Variants in TRIM25 observed in about 807,000 individuals in gnomAD.
TRIM25 encodes tripartite motif containing 25.
Under a neutral mutation model 65.2 loss-of-function variants are expected in TRIM25, and 45 were observed. The observed-to-expected ratio is 0.69, with a 90% CI of 0.54 to 0.89. TRIM25 has a LOEUF of 0.89. Among genes scored for constraint, TRIM25 ranks in the 40% least tolerant of loss-of-function variants. The probability of loss-of-function intolerance (pLI) is 0.00; values close to 1 mark genes in which losing one functional copy is unlikely to be tolerated. For missense variants in TRIM25, 714 were observed against 803.7 expected (o/e 0.89, Z 1.35); for synonymous variants, 321 against 340.4 (o/e 0.94, Z 0.63).
chr17:56,908,056 A>G (rs543740797), intron 2 of TRIM25, among the ~76,000 whole-genome samples: 9 of 152,194 alleles, frequency 5.9e-5, no homozygotes, highest in Non-Finnish European at 1.0e-4. Context: ...ACTCTGCCAG[A>G]ATACATTTCT....
intron 8 of TRIM25, 85 bp from the exon 9 acceptor site, chr17:56,892,314 A>C (rs1909192426): frequency 6.8e-7 from 1 of 1,462,232 alleles, no homozygotes; most frequent in Admixed American, 2.2e-5. Context: ...CTATTTATTC[A>C]CTAGTTTTAT....
chr17:56,892,181 G>A lies in TRIM25; in HGVS notation c.1412C>T (p.Ala471Val). Residue 471 changes from alanine (A) to valine (V), a missense_variant, in exon 9 of 9, where the codon GCT becomes GTT. By Grantham distance (64) the Ala-to-Val change is moderately conservative (BLOSUM62 0). This residue lies in a region of TRIM25 where 413 missense variants were observed against 498.2 expected (regional missense o/e 0.83). Coordinates refer to ENST00000316881, the MANE Select transcript of TRIM25 (RefSeq NM_005082.5). ...AGCTACTGTATAGCACTCTGACAGA[G>A]CCACTTTGTTGTGGGCGGTGTTGTA... Reference protein sequence around the residue: ...LDYNTAHNKVALSECYTVASV... With the variant: ...LDYNTAHNKVVLSECYTVASV... 6.2e-7 allele frequency: 1 copy of A among 1,612,080 alleles called. No homozygotes were observed. The highest frequency in any genetic ancestry group is 8.5e-7 in the Non-Finnish European group (1 of 1,178,430).
In TRIM25 at chr17:56,914,032, G is replaced by A. The variant is rs781665872; in HGVS notation, c.-44C>T. ...GACACAACTGCTGCACCCGCGCTCC[G>A]AGGCCGCCGAGGAAACGAAACCTAG... is the stretch of plus-strand genomic sequence containing the variant. On this transcript the variant is annotated 5_prime_UTR_variant, in exon 1 of 9. Coordinates refer to ENST00000316881, the MANE Select transcript of TRIM25 (RefSeq NM_005082.5). 5 of 1,414,258 alleles carry A rather than the reference G, an allele frequency of 3.5e-6. No homozygotes were observed. In the East Asian group the frequency reaches 1.1e-4, roughly 30 times the overall value. 87.6% of individuals were successfully genotyped at this position (1,414,258 alleles called of 1,614,324 possible).
intron 4 of TRIM25, among the ~76,000 whole-genome samples, chr17:56,899,924 A>T (rs940369758): frequency 1.3e-5 from 2 of 152,206 alleles, no homozygotes; most frequent in Admixed American, 6.5e-5. Context: ...TACAAAAAAA[A>T]TTTTTTAGGC....
Position 56,895,825 on chromosome 17 carries a change from TCACA to T in TRIM25, c.1180+97_1180+100del. 3 of 1,466,650 alleles carry T rather than the reference TCACA, an allele frequency of 2.0e-6. No homozygotes were observed. The South Asian group carries it at 3.8e-5, about 18-fold the overall frequency. The allele number at this position is 1,466,650 out of a possible 1,614,324, so 90.9% of individuals were successfully genotyped here. A position where few individuals can be genotyped will look rare whatever the true frequency, so the allele number is the denominator to read the frequency against. On this transcript the variant is annotated intron_variant, in intron 6 of 8. Transcript: ENST00000316881. ...ACAGAATGGAATCATATAGAACCCA[TCACA>T]GAACCCTGATGAGAGAGGTCGACTC...
At chr17:56,904,575 C>A in intron 2 of TRIM25, 87 bp from the exon 3 acceptor site, 2 of 1,221,490 alleles carry the variant, frequency 1.6e-6, no homozygotes, top group Middle Eastern at 2.8e-4. Context: ...TGTGGAGTTC[C>A]AGGAACTCTT....
chr17:56,892,090 C>T lies in TRIM25; in HGVS notation c.1503G>A (p.Val501=). ...HPQRFTYCSQ[V]LGLHCYKKGI... is the part of the protein sequence containing the mutation. ...CCTTCTTGTAGCAGTGCAGGCCCAG[C>T]ACCTGAGAGCAGTATGTGAACCTCT... is the stretch of plus-strand genomic sequence containing the variant. The change falls in exon 9 of 9, where the codon GTG becomes GTA. Residue 501 remains valine (V), a synonymous_variant. Coordinates refer to ENST00000316881, the MANE Select transcript of TRIM25 (RefSeq NM_005082.5). The T allele has an allele frequency of 6.2e-7, 1 of 1,614,210 alleles. No homozygotes were observed.
chr17:56,891,514 C>T lies in TRIM25; in HGVS notation c.*186G>A, dbSNP rs1598069104. 7.7e-6 allele frequency: 6 copies of T among 776,548 alleles called. No individual in the cohort carries two copies. The East Asian group carries it at 1.6e-4, about 21-fold the overall frequency. 48.1% of individuals were successfully genotyped at this position (776,548 alleles called of 1,614,324 possible). ...CAGGGGGTGGAAACGCCTCCTCGCC[C>T]ACAACACAATCACTCTCACCCCTTT... On this transcript the variant is annotated 3_prime_UTR_variant, in exon 9 of 9. Coordinates refer to ENST00000316881, the MANE Select transcript of TRIM25 (RefSeq NM_005082.5).
At chr17:56,894,730 G>A (rs1567838200) in intron 8 of TRIM25, among the ~76,000 whole-genome samples, 1 of 152,196 alleles carries the variant, frequency 6.6e-6, no homozygotes, top group East Asian at 1.9e-4. Context: ...CTAAGAGAGA[G>A]CAGAAGATTC....
In TRIM25 at chr17:56,898,281, G is replaced by A. The variant is rs375620784; in HGVS notation, c.1153+834C>T. Among the ~76,000 whole-genome samples the A allele has an allele frequency of 5.9e-5, 9 of 152,268 alleles. 1 individual carries two copies. The highest frequency in any genetic ancestry group is 1.9e-4 in the East Asian group (1 of 5,186). On this transcript the variant is annotated intron_variant, in intron 5 of 8. Coordinates refer to ENST00000316881, the MANE Select transcript of TRIM25 (RefSeq NM_005082.5). ...TCAGCAGTATATGAACATCTCAGCG[G>A]TATATGGACATGTCAGCGGTATATG...
At chr17:56,896,952 A>G (rs1345341606) in intron 5 of TRIM25, among the ~76,000 whole-genome samples, 1 of 152,094 alleles carries the variant, frequency 6.6e-6, no homozygotes, top group Admixed American at 6.5e-5. Flanking sequence ...AAAAAAAAAA[A>G]AATTGTTTTA....
intron 2 of TRIM25, among the ~76,000 whole-genome samples, chr17:56,906,961 T>C (rs1170890156): frequency 2.0e-5 from 3 of 152,228 alleles, no homozygotes; most frequent in African/African-American, 7.2e-5. Context: ...GACTAGGCGA[T>C]GTGACAAAAC....
Position 56,901,560 on chromosome 17 carries a change from C to G in TRIM25, c.946G>C (p.Gly316Arg), listed in dbSNP as rs1909413074. 6.2e-7 allele frequency: 1 copy of G among 1,613,974 alleles called. No homozygotes were observed. The highest frequency in any genetic ancestry group is 8.5e-7 in the Non-Finnish European group (1 of 1,180,022). ...EFLEKASKLR[G>R]ISTKPVYIPE... ...ATGTAGACTGGCTTTGTTGAGATTC[C>G]TCGCAGTTTTGATGCTTTCTGGAAC... Residue 316 changes from glycine to arginine, a missense_variant, in exon 4 of 9, where the codon GGA becomes CGA. By Grantham distance (125) the Gly-to-Arg change is moderately radical (BLOSUM62 -2). This residue lies in a region of TRIM25 where 413 missense variants were observed against 498.2 expected (regional missense o/e 0.83). Coordinates refer to ENST00000316881, the MANE Select transcript of TRIM25 (RefSeq NM_005082.5).
rs1909131264 is a variant in TRIM25, at chr17:56,889,815, T to G, written c.*1885A>C. On this transcript the variant is annotated 3_prime_UTR_variant, in exon 9 of 9. Transcript: ENST00000316881. ...TTCAGAAAATCAATGAAGATGCTTT[T>G]GATCATCTTCAAAAGCAGAGAAGAA... 2.5e-6 allele frequency: 1 copy of G among 398,514 alleles called. No homozygotes were observed. The highest frequency in any genetic ancestry group is 4.4e-6 in the Non-Finnish European group (1 of 226,074). 24.7% of individuals were successfully genotyped at this position (398,514 alleles called of 1,614,324 possible). A position where few individuals can be genotyped will look rare whatever the true frequency, so the allele number is the denominator to read the frequency against.
intron 5 of TRIM25, among the ~76,000 whole-genome samples, chr17:56,897,144 C>T (rs1466399556): frequency 6.6e-6 from 1 of 151,896 alleles, no homozygotes; most frequent in African/African-American, 2.4e-5. Context: ...TTCTTGGGCC[C>T]CAAGCCAGAG....
At chr17:56,892,780 G>A (rs911653848) in intron 8 of TRIM25, among the ~76,000 whole-genome samples, 1 of 152,080 alleles carries the variant, frequency 6.6e-6, no homozygotes, top group African/African-American at 2.4e-5. Context: ...CCAGATTCTG[G>A]CACAAGATGC....
At chr17:56,906,624 G>T (rs902509328) in intron 2 of TRIM25, among the ~76,000 whole-genome samples, 1 of 152,098 alleles carries the variant, frequency 6.6e-6, no homozygotes, top group Non-Finnish European at 1.5e-5. Context: ...CTCCTGAGTA[G>T]CTGGAACTAT....
intron 5 of TRIM25, among the ~76,000 whole-genome samples, chr17:56,897,428 C>T (rs1045220102): frequency 8.5e-5 from 13 of 152,138 alleles, no homozygotes; most frequent in Non-Finnish European, 1.6e-4. Flanking sequence ...ACCGCTTCTC[C>T]TACTTCGAAG....
Position 56,908,562 on chromosome 17 carries a change from G to C in TRIM25, c.599C>G (p.Ala200Gly). Residue 200 changes from alanine (A) to glycine (G), a missense_variant and splice_region_variant, in exon 2 of 9, where the codon GCC (alanine) becomes GGC (glycine). By Grantham distance (60) the Ala-to-Gly change is moderately conservative. This residue lies in a region of TRIM25 where 291 missense variants were observed against 281.8 expected (regional missense o/e 1.03). Transcript: ENST00000316881. ...GACAGTTAGTTTGTGCCTCAGGGTG[G>C]CCTGCAGGGAAAACAAATGAGGTTG... is the stretch of plus-strand genomic sequence containing the variant. Reference protein sequence around the residue: ...SLSQASADLEATLRHKLTVMY... With the variant: ...SLSQASADLEGTLRHKLTVMY... 1 of 1,613,496 alleles carries C rather than the reference G, an allele frequency of 6.2e-7. No homozygotes were observed. Among genetic ancestry groups the C allele is most frequent in the Non-Finnish European group, 8.5e-7 (1 of 1,179,990 alleles).
Sources: allele counts gnomAD v4.1 joint callset (sites outside exome capture counted in the v4.1 genomes callset), GRCh38; gene constraint gnomAD v4.1.1; regional missense constraint gnomAD v4.1.1; transcripts MANE v1.5; gene names NCBI Gene and HGNC (gene_info 2026-07-23, HGNC 2026-07-21).